PKD1: variants seen among roughly 807,000 people sequenced by gnomAD.
PKD1 encodes the protein polycystin 1, transient receptor potential channel interacting.
PKD1 carries 81 observed loss-of-function variants against 361.7 expected under a neutral mutation model. The observed-to-expected ratio is 0.22, with a 90% CI of 0.19 to 0.27. PKD1 has a LOEUF of 0.27. Among genes scored for constraint, PKD1 ranks in the 10% least tolerant of loss-of-function variants. PKD1 has a pLI of 1.00. For synonymous variants in PKD1, 3,615 were observed against 2,818.3 expected, an observed-to-expected ratio of 1.28 and a Z score of -8.95; for missense variants, 6,399 against 6,118.3, an observed-to-expected ratio of 1.05 and a Z score of -1.53.
At chr16:2,112,994 G>A in intron 12 of PKD1, 31 bp from the exon 13 acceptor site, 3 of 1,585,472 alleles carry the variant, frequency 1.9e-6, no homozygotes, top group Non-Finnish European at 2.6e-6. Flanking sequence ...GAGCCCAGGT[G>A]GCAGGTGAGA....
At chr16:2,092,710 T>G (rs1441816247) in intron 38 of PKD1, 118 bp from the exon 39 acceptor site, 1 of 874,714 alleles carries the variant, frequency 1.1e-6, no homozygotes, top group African/African-American at 1.7e-5. Flanking sequence ...CGGCTAGACC[T>G]GGGCTTCTCA....
chr16:2,099,911 G>A lies in PKD1; in HGVS notation c.9873C>T (p.Phe3291=). The change falls in exon 29 of 46, where the codon TTC becomes TTT. Residue 3291 remains phenylalanine, a synonymous_variant. Transcript: ENST00000262304. ...ATCCVLLICL[F]LGANAVWYGA... ...CGTACCACACGGCGTTGGCGCCCAGGAAGAGGCAGATGAGGAGAACGCAGC... is the reference window on the plus strand; with the variant it reads ...CGTACCACACGGCGTTGGCGCCCAGAAAGAGGCAGATGAGGAGAACGCAGC... The A allele has an allele frequency of 8.9e-6, 14 of 1,566,870 alleles. No individual in the cohort carries two copies. Among genetic ancestry groups the A allele is most frequent in the Non-Finnish European group, 1.2e-5 (14 of 1,157,244 alleles).
At position 2,110,736 on chromosome 16, in the gene PKD1, A is replaced by G; in HGVS notation, c.4431T>C (p.Leu1477=). Residue 1477 remains leucine, a synonymous_variant, in exon 15 of 46, where the codon CTT becomes CTC. Transcript: ENST00000262304. ...LVTSIKVNGS[L]GLELQQPYLF... ...GGTACGGCTGCTGCAGCTCCAGCCC[A>G]AGGGAGCCATTGACCTTGATGCTGG... 1 of 1,610,478 alleles carries G rather than the reference A, an allele frequency of 6.2e-7. No individual in the cohort carries two copies. Among genetic ancestry groups the G allele is most frequent in the African/African-American group, 1.3e-5 (1 of 74,972 alleles).
chr16:2,095,549 G>A (rs1056084154), intron 34 of PKD1: 2 of 152,362 alleles, frequency 1.3e-5, no homozygotes, highest in Admixed American at 6.5e-5. Flanking sequence ...GGAGTGGCAG[G>A]GAATGCCAGG....
At chr16:2,122,115 AC>A (rs1439415897) in intron 1 of PKD1, among the ~76,000 whole-genome samples, 3 of 152,200 alleles carry the variant, frequency 2.0e-5, no homozygotes. Context: ...ACCAGAGGCC[AC>A]CCCAGCTGAG....
In PKD1 at chr16:2,093,294, C is replaced by T. The variant is rs1596486903; in HGVS notation, c.11017-201G>A. The T allele has an allele frequency of 4.3e-6, 3 of 702,546 alleles. No homozygotes were observed. In the East Asian group the frequency reaches 8.1e-5, roughly 19 times the overall value. The allele number at this position is 702,546 out of a possible 1,614,324, so 43.5% of individuals were successfully genotyped here. ...CCCCACCTGGGGGCAGACACACAGG[C>T]CACTGCAGTGGTGCTTAGGGGCCTT... is the stretch of plus-strand genomic sequence containing the variant. On this transcript the variant is annotated intron_variant, in intron 37 of 45. Transcript: ENST00000262304.
intron 16 of PKD1, chr16:2,107,411 G>A: frequency 5.5e-6 from 2 of 360,954 alleles, no homozygotes; most frequent in Non-Finnish European, 1.1e-5. Context: ...AATCAGGCCA[G>A]CTGAGGAAAG....
At chr16:2,127,456 G>T (rs1237459658) in intron 1 of PKD1, among the ~76,000 whole-genome samples, 2 of 152,208 alleles carry the variant, frequency 1.3e-5, no homozygotes, top group African/African-American at 4.8e-5. Flanking sequence ...GGGTCCATAG[G>T]AGTCCACCCG....
At chr16:2,107,146 G>A in intron 16 of PKD1, 198 bp from the exon 17 acceptor site, 1 of 647,444 alleles carries the variant, frequency 1.5e-6, no homozygotes, top group Non-Finnish European at 2.8e-6. Flanking sequence ...ACACAGGGCA[G>A]AGGACACTGG....
chr16:2,091,374 C>T (rs960820460), intron 42 of PKD1, 49 bp downstream of exon 42: 7 of 991,514 alleles, frequency 7.1e-6, no homozygotes, highest in Admixed American at 6.1e-5. Flanking sequence ...CGCGAGGGGG[C>T]GGGACGCTGC....
At position 2,103,284 on chromosome 16, in the gene PKD1, T is replaced by G. The variant is rs2092178401; in HGVS notation, c.8773A>C (p.Asn2925His). 11 of 1,609,674 alleles carry G rather than the reference T, an allele frequency of 6.8e-6. No homozygotes were observed. Among genetic ancestry groups the G allele is most frequent in the Non-Finnish European group, 9.3e-6 (11 of 1,179,670 alleles). ...NPAAGLHLQL[N>H]YTLLDGHYLS... ...CACGCACCGTCCAGCAGCGTATAGT[T>G]GAGCTGCAGATGCAGCCCGGCCGCA... Residue 2925 changes from asparagine to histidine, a missense_variant, in exon 23 of 46, where the codon AAC (asparagine) becomes CAC (histidine). Transcript: ENST00000262304.
In PKD1 at chr16:2,103,907, C is replaced by T. The variant is rs375993328; in HGVS notation, c.8162-12G>A. ...GTGGATGAGGTCTCCTGCAGACATG[C>T]GTGAGGTCAGTGCAGAGACAGGGAG... On this transcript the variant is annotated splice_polypyrimidine_tract_variant and intron_variant, in intron 22 of 45. Transcript: ENST00000262304. 6.6e-4 allele frequency: 868 copies of T among 1,305,284 alleles called. 1 individual carries two copies. Among genetic ancestry groups the T allele is most frequent in the Non-Finnish European group, 7.5e-4 (754 of 1,003,856 alleles). 80.9% of individuals were successfully genotyped at this position (1,305,284 alleles called of 1,614,324 possible). A position where few individuals can be genotyped will look rare whatever the true frequency, so the allele number is the denominator to read the frequency against.
chr16:2,113,068 G>T, intron 12 of PKD1, 93 bp downstream of exon 12: 1 of 1,277,052 alleles, frequency 7.8e-7, no homozygotes, highest in Non-Finnish European at 1.1e-6. Context: ...TCCTCGGGCA[G>T]CATGAAGCAG....
chr16:2,090,094 G>C lies in PKD1; in HGVS notation c.12545C>G (p.Ser4182Cys). ...SPDVPPPSAGSDASHPSTSSS... is the reference protein window; with the variant it reads ...SPDVPPPSAGCDASHPSTSSS... ...GGAGGTGGAGGGGTGCGAGGCATCGGAGCCAGCGCTGGGTGGGGGCACATC... is the reference window on the plus strand; with the variant it reads ...GGAGGTGGAGGGGTGCGAGGCATCGCAGCCAGCGCTGGGTGGGGGCACATC... Residue 4182 changes from serine (S) to cysteine (C), a missense_variant, in exon 46 of 46, where the codon TCC becomes TGC. Transcript: ENST00000262304. The C allele has an allele frequency of 1.9e-6, 3 of 1,607,258 alleles. No homozygotes were observed. The highest frequency in any genetic ancestry group is 2.6e-6 in the Non-Finnish European group (3 of 1,176,120).
In PKD1 at chr16:2,100,847, G is replaced by A. The variant is rs1476661282; in HGVS notation, c.9398-281C>T. ...CAGTCCACACCACAACCAGTGACCC[G>A]CACTGCACACCTGTCCACGCCTCAG... On this transcript the variant is annotated intron_variant, in intron 26 of 45. Transcript: ENST00000262304. This position sits in a 1 kb window ranked among gnomAD's most constrained non-coding sequence, Gnocchi z 4.4. The A allele has an allele frequency of 2.7e-5, 14 of 513,852 alleles. No individual in the cohort carries two copies. Among genetic ancestry groups the A allele is most frequent in the Admixed American group, 9.7e-5 (3 of 30,976 alleles). The allele number at this position is 513,852 out of a possible 1,614,324, so 31.8% of individuals were successfully genotyped here.
chr16:2,109,254 C>G lies in PKD1; in HGVS notation c.5913G>C (p.Val1971=). 5.0e-6 allele frequency: 8 copies of G among 1,585,896 alleles called. 1 individual carries two copies. Among genetic ancestry groups the G allele is most frequent in the Non-Finnish European group, 6.9e-6 (8 of 1,166,020 alleles). Residue 1971 remains valine, a synonymous_variant, in exon 15 of 46, where the codon GTG becomes GTC. Coordinates refer to ENST00000262304, the MANE Select transcript of PKD1 (RefSeq NM_001009944.3). ...AQVRIVVLEA[V]SGLQVPNCCE... ...AGCAGTTGGGCACCTGCAGCCCACT[C>G]ACGGCCTCCAGCACCACGATGCGCA... is the stretch of plus-strand genomic sequence containing the variant.
Position 2,108,325 on chromosome 16 carries a change from G to C in PKD1, c.6842C>G (p.Ser2281Cys). 6.2e-7 allele frequency: 1 copy of C among 1,606,118 alleles called. No homozygotes were observed. Among genetic ancestry groups the C allele is most frequent in the South Asian group, 1.1e-5 (1 of 90,906 alleles). Reference protein sequence around the residue: ...TRDLVLDGSESYDPNLEDGDQ... With the variant: ...TRDLVLDGSECYDPNLEDGDQ... ...GCCGTCCTCCAGGTTGGGGTCGTAG[G>C]ACTCGCTCCCATCCAGCACCAGGTC... Residue 2281 changes from serine to cysteine, a missense_variant, in exon 15 of 46, where the codon TCC becomes TGC. Coordinates refer to ENST00000262304, the MANE Select transcript of PKD1 (RefSeq NM_001009944.3).
rs1189782435 is a variant in PKD1, at chr16:2,111,335, T to C, written c.3832A>G (p.Ser1278Gly). ...CTCCGGGCCAGGTGGCCGGCGGGGC[T>C]GGCCGCACCCACGGTCACTGTGCAG... ...QNCTVTVGAA[S>G]PAGHLARSLH... The change falls in exon 15 of 46, where the codon AGC becomes GGC. Residue 1278 changes from serine (S) to glycine (G), a missense_variant. Coordinates refer to ENST00000262304, the MANE Select transcript of PKD1 (RefSeq NM_001009944.3). 3.7e-6 allele frequency: 6 copies of C among 1,608,946 alleles called. No homozygotes were observed. The highest frequency in any genetic ancestry group is 1.8e-4 in the Middle Eastern group (1 of 5,622).
chr16:2,091,368 A>T, intron 42 of PKD1, 55 bp downstream of exon 42: 1 of 902,418 alleles, frequency 1.1e-6, no homozygotes. Flanking sequence ...GGGCCCCGCG[A>T]GGGGGCGGGA....
Sources: allele counts gnomAD v4.1 joint callset (sites outside exome capture counted in the v4.1 genomes callset), GRCh38; gene constraint gnomAD v4.1.1; non-coding constraint Gnocchi (gnomAD v3.1); transcripts MANE v1.5; gene names NCBI Gene and HGNC (gene_info 2026-07-23, HGNC 2026-07-21).